Variants in PROM2 observed in about 807,000 individuals in gnomAD.
PROM2 encodes prominin-2.
PROM2 carries 90 observed loss-of-function variants against 110.2 expected under a neutral mutation model. The observed-to-expected ratio is 0.82, with a 90% CI of 0.69 to 0.97. The LOEUF (loss-of-function observed/expected upper bound fraction) is 0.97, where lower values mean the gene tolerates loss of function less well. PROM2 is among the 50% of genes least tolerant of loss of function. The probability of loss-of-function intolerance (pLI) is 0.00; values close to 1 mark genes in which losing one functional copy is unlikely to be tolerated. For missense variants in PROM2, 1,009 were observed against 1,074.8 expected (o/e 0.94, Z 0.86); for synonymous variants, 470 against 467.8 (o/e 1.00, Z -0.06).
At chr2:95,282,755 G>T (rs1470406818) in intron 14 of PROM2, among the ~76,000 whole-genome samples, 1 of 152,048 alleles carries the variant, frequency 6.6e-6, no homozygotes, top group Non-Finnish European at 1.5e-5. Flanking sequence ...ATGCTGGAAA[G>T]AGACAGTTCT....
intron 20 of PROM2, among the ~76,000 whole-genome samples, chr2:95,287,679 A>G (rs1394260985): frequency 6.6e-6 from 1 of 152,128 alleles, no homozygotes; most frequent in Non-Finnish European, 1.5e-5. Flanking sequence ...GCTGAGTGTG[A>G]GCAGGGTTGG....
chr2:95,274,848 C>G lies in PROM2; in HGVS notation c.244+19C>G. The G allele has an allele frequency of 3.9e-6, 6 of 1,525,000 alleles. No homozygotes were observed. The highest frequency in any genetic ancestry group is 5.3e-6 in the Non-Finnish European group (6 of 1,134,940). The allele number at this position is 1,525,000 out of a possible 1,614,324, so 94.5% of individuals were successfully genotyped here. A position where few individuals can be genotyped will look rare whatever the true frequency, so the allele number is the denominator to read the frequency against. On this transcript the variant is annotated intron_variant, in intron 1 of 23. Coordinates refer to ENST00000317620, the MANE Select transcript of PROM2 (RefSeq NM_001165978.3). The stretch of plus-strand genomic sequence containing the variant: ...CCTTCAGGTGAGTGTGCCCCTCCCC[C>G]ATGAGGGCCTCAGCATTTGGGTCCC...
At chr2:95,279,292 G>T (rs1401733233) in intron 10 of PROM2, 148 bp downstream of exon 10, 16 of 647,238 alleles carry the variant, frequency 2.5e-5, no homozygotes, top group Middle Eastern at 4.6e-4. Context: ...GTTTGTTTTT[G>T]TTTTTTTCAT....
Position 95,276,277 on chromosome 2 carries a change from TG to T in PROM2, c.551del (p.Gly184AlafsTer48), listed in dbSNP as rs1489610193. Reference sequence around the variant, plus strand: ...ACCAACCAGCGCACGCATGAACAGATGGGCCCCAGCATCGAGGCCATGCCTG... The same window carrying T: ...ACCAACCAGCGCACGCATGAACAGATGGCCCCAGCATCGAGGCCATGCCTG... Reference protein sequence around the residue: ...FVTNQRTHEQMGPSIEAMPET... With the variant: ...FVTNQRTHEQXGPSIEAMPET... On this transcript the variant is annotated frameshift_variant, in exon 4 of 24. Coordinates refer to ENST00000317620, the MANE Select transcript of PROM2 (RefSeq NM_001165978.3). LOFTEE classifies it high-confidence loss of function. This position sits in a 1 kb window ranked among gnomAD's most constrained non-coding sequence, Gnocchi z 4.6. 1.2e-6 allele frequency: 2 copies of T among 1,613,864 alleles called. No individual in the cohort carries two copies. Among genetic ancestry groups the T allele is most frequent in the Admixed American group, 3.3e-5 (2 of 60,028 alleles).
chr2:95,275,054 G>A lies in PROM2; in HGVS notation c.244+225G>A. The A allele has an allele frequency of 1.9e-6, 1 of 523,580 alleles. No individual in the cohort carries two copies. The highest frequency in any genetic ancestry group is 3.2e-6 in the Non-Finnish European group (1 of 308,416). 32.4% of individuals were successfully genotyped at this position (523,580 alleles called of 1,614,324 possible). On this transcript the variant is annotated intron_variant, in intron 1 of 23. Transcript: ENST00000317620. The surrounding 1 kb of genome is among the most constrained non-coding windows in gnomAD (Gnocchi z 4.4). ...GGTGCTCTGTCTGTAAAGTGAGGAG[G>A]TTACATTGGAAATACATTAGACCTG...
intron 11 of PROM2, 64 bp from the exon 12 acceptor site, chr2:95,281,178 C>T: frequency 6.3e-7 from 1 of 1,580,520 alleles, no homozygotes; most frequent in East Asian, 2.3e-5. Context: ...GAGGGTGGGA[C>T]AGAGGGTATG....
rs925386336 is a variant in PROM2, at chr2:95,275,002, T to C, written c.244+173T>C. 3 of 750,060 alleles carry C rather than the reference T, an allele frequency of 4.0e-6. No individual in the cohort carries two copies. Among genetic ancestry groups the C allele is most frequent in the Non-Finnish European group, 6.0e-6 (3 of 497,824 alleles). The allele number at this position is 750,060 out of a possible 1,614,324, so 46.5% of individuals were successfully genotyped here. On this transcript the variant is annotated intron_variant, in intron 1 of 23. Transcript: ENST00000317620. This position sits in a 1 kb window ranked among gnomAD's most constrained non-coding sequence, Gnocchi z 4.4. ...CCAGAACCTGCTGTGTGACTGTGGG[T>C]AAGCCTCACTTCCTCTCTGAGCCTC...
At chr2:95,286,925 C>T (rs568979908) in intron 18 of PROM2, 68 bp downstream of exon 18, 1 of 1,534,400 alleles carries the variant, frequency 6.5e-7, no homozygotes, top group East Asian at 2.2e-5. Context: ...AAGTAGGAGC[C>T]CATCTCACTC....
intron 11 of PROM2, 39 bp downstream of exon 11, chr2:95,280,036 T>C (rs1676960045): frequency 1.5e-6 from 2 of 1,366,496 alleles, no homozygotes; most frequent in East Asian, 2.8e-5. Context: ...TCCCCTCTTA[T>C]AGGGCTGGCT....
rs2104114203 is a variant in PROM2 at position 95,281,501 on chromosome 2, C to G, written c.1551+136C>G. The G allele has an allele frequency of 4.2e-6, 5 of 1,186,104 alleles. No individual in the cohort carries two copies. The East Asian group carries it at 1.3e-4, about 31-fold the overall frequency. 73.5% of individuals were successfully genotyped at this position (1,186,104 alleles called of 1,614,324 possible). On this transcript the variant is annotated intron_variant, in intron 12 of 23. Transcript: ENST00000317620. ...GAGGGGAGGAGTGAGACAGACATGGCCAAGGAAAGAGACAGAAACCCGCCA... is the reference window on the plus strand; with the variant it reads ...GAGGGGAGGAGTGAGACAGACATGGGCAAGGAAAGAGACAGAAACCCGCCA...
rs769412772 is a variant in PROM2, at chr2:95,281,969, G to T, written c.1596G>T (p.Ser532=). ...ACCTGCCCCCGTCCATGAACCTGTC[G>T]CAACTTCTTGGCCTGAGGAAGAACA... is the stretch of plus-strand genomic sequence containing the variant. ...PGNLPPSMNL[S]QLLGLRKNIS... Residue 532 remains serine (S), a synonymous_variant, in exon 13 of 24, where the codon TCG becomes TCT. Coordinates refer to ENST00000317620, the MANE Select transcript of PROM2 (RefSeq NM_001165978.3). 72 of 1,613,942 alleles carry T rather than the reference G, an allele frequency of 4.5e-5. No individual in the cohort carries two copies. Among genetic ancestry groups the T allele is most frequent in the Non-Finnish European group, 5.9e-5 (70 of 1,179,998 alleles).
At chr2:95,274,911 T>C in intron 1 of PROM2, 82 bp downstream of exon 1, 1 of 1,437,050 alleles carries the variant, frequency 7.0e-7, no homozygotes, top group Non-Finnish European at 9.2e-7. Flanking sequence ...CCATGGGATG[T>C]GCCCAACCTA....
At chr2:95,282,313 T>C (rs1677100495) in intron 14 of PROM2, 87 bp downstream of exon 14, 7 of 1,106,842 alleles carry the variant, frequency 6.3e-6, no homozygotes, top group Non-Finnish European at 2.7e-6. Flanking sequence ...ACCGTCTCTT[T>C]GAACCTAGGA....
At chr2:95,281,441 G>A in intron 12 of PROM2, 76 bp downstream of exon 12, 1 of 1,396,486 alleles carries the variant, frequency 7.2e-7, no homozygotes, top group Non-Finnish European at 9.6e-7. Context: ...GAGGGTTGGG[G>A]GAAAGTGGGG....
intron 12 of PROM2, among the ~76,000 whole-genome samples, 158 bp downstream of exon 12, chr2:95,281,523 G>A (rs1190856338): frequency 6.6e-6 from 1 of 152,092 alleles, no homozygotes; most frequent in Non-Finnish European, 1.5e-5. Flanking sequence ...ACAGAAACCC[G>A]CCAGTGGATG....
Position 95,275,129 on chromosome 2 carries a change from G to T in PROM2, c.244+300G>T. The T allele has an allele frequency of 2.1e-6, 1 of 481,642 alleles. No homozygotes were observed. The highest frequency in any genetic ancestry group is 3.3e-5 in the East Asian group (1 of 30,140). The allele number at this position is 481,642 out of a possible 1,614,324, so 29.8% of individuals were successfully genotyped here. ...GGTGCTTGGGTTGGGTGGTCCAGGAGTGTCTGAAGGACCCTCCCAGTCCTG... is the reference window on the plus strand; with the variant it reads ...GGTGCTTGGGTTGGGTGGTCCAGGATTGTCTGAAGGACCCTCCCAGTCCTG... On this transcript the variant is annotated intron_variant, in intron 1 of 23. Transcript: ENST00000317620. This position sits in a 1 kb window ranked among gnomAD's most constrained non-coding sequence, Gnocchi z 4.4.
In PROM2 at chr2:95,277,003, C is replaced by T; in HGVS notation, c.714C>T (p.His238=). Residue 238 remains histidine (H), a synonymous_variant, in exon 6 of 24, where the codon CAC becomes CAT. Coordinates refer to ENST00000317620, the MANE Select transcript of PROM2 (RefSeq NM_001165978.3). ...GTGTGAGCATTGGGAGCGCGATCCACACTCAGCTCAGGAGCTCCGTGTACC... is the reference window on the plus strand; with the variant it reads ...GTGTGAGCATTGGGAGCGCGATCCATACTCAGCTCAGGAGCTCCGTGTACC... ...GVGVSIGSAI[H]TQLRSSVYPL... 1 of 1,553,228 alleles carries T rather than the reference C, an allele frequency of 6.4e-7. No individual in the cohort carries two copies. The highest frequency in any genetic ancestry group is 2.4e-5 in the East Asian group (1 of 41,236).
rs745657815 is a variant in PROM2, at chr2:95,276,121, C to T, written c.486C>T (p.Thr162=). 1 of 1,611,968 alleles carries T rather than the reference C, an allele frequency of 6.2e-7. No individual in the cohort carries two copies. Among genetic ancestry groups the T allele is most frequent in the Non-Finnish European group, 8.5e-7 (1 of 1,179,512 alleles). The change falls in exon 3 of 24, where the codon ACC becomes ACT. Residue 162 remains threonine, a synonymous_variant. Coordinates refer to ENST00000317620, the MANE Select transcript of PROM2 (RefSeq NM_001165978.3). This position sits in a 1 kb window ranked among gnomAD's most constrained non-coding sequence, Gnocchi z 4.6. ...TCATGGTCTTCCTGCTGCTGACCAC[C>T]CTCTTGCTGCTGTAAGGCGCTGCCC... ...AALMVFLLLT[T]LLLLIGVVCA...
At chr2:95,289,061 GTGGGGAGGGGC>G in intron 23 of PROM2, 55 bp downstream of exon 23, 1 of 1,350,094 alleles carries the variant, frequency 7.4e-7, no homozygotes, top group Non-Finnish European at 1.1e-6. Flanking sequence ...AGGGAGTGGG[GTGGGGAGGGGC>G]TGGGGTCTGG....
Sources: gnomAD v4.1 joint callset for allele counts (sites outside exome capture counted in the v4.1 genomes callset) on GRCh38, gnomAD v4.1.1 for gene constraint, Gnocchi (gnomAD v3.1) non-coding constraint, MANE v1.5 for transcripts, NCBI Gene and HGNC (gene_info 2026-07-23, HGNC 2026-07-21) for gene names.